The following SKAP2 variants were observed in gnomAD, a reference collection of about 807,000 sequenced individuals.
The protein encoded by SKAP2 is src kinase associated phosphoprotein 2, also known as src kinase-associated phosphoprotein 2.
In SKAP2, 28 loss-of-function variants were observed where a neutral mutation model predicts 54.9. The observed-to-expected ratio is 0.51, with a 90% CI of 0.38 to 0.70. The LOEUF is 0.70. SKAP2 is among the 30% of genes least tolerant of loss of function. SKAP2 has a pLI of 0.00. For missense variants in SKAP2, 356 were observed against 424.1 expected, an observed-to-expected ratio of 0.84 and a Z score of 1.41; for synonymous variants, 137 against 134.3, an observed-to-expected ratio of 1.02 and a Z score of -0.14.
intron 9 of SKAP2, among the ~76,000 whole-genome samples, chr7:26,717,664 A>G (rs1787482342): frequency 7.0e-6 from 1 of 143,556 alleles, no homozygotes; most frequent in Non-Finnish European, 1.5e-5. Flanking sequence ...TGTCTCTACT[A>G]AAAAAAAAAA....
intron 9 of SKAP2, among the ~76,000 whole-genome samples, chr7:26,707,445 C>T (rs2299102): frequency 0.57 from 85,851 of 151,722 alleles, 24,756 homozygotes; most frequent in East Asian, 0.88. Flanking sequence ...TAGCACAGAA[C>T]CTTGCCTATA....
At chr7:26,802,697 A>G (rs1010040257) in intron 4 of SKAP2, among the ~76,000 whole-genome samples, 80 of 152,030 alleles carry the variant, frequency 5.3e-4, no homozygotes, top group Non-Finnish European at 3.2e-4. Flanking sequence ...CCTGGCCAAC[A>G]TGGTGAAACC....
chr7:26,818,560 A>C (rs1784319310), intron 4 of SKAP2, among the ~76,000 whole-genome samples: 1 of 152,242 alleles, frequency 6.6e-6, no homozygotes, highest in African/African-American at 2.4e-5. Flanking sequence ...CAATGGCAAC[A>C]AAAGCCAAAA....
intron 4 of SKAP2, among the ~76,000 whole-genome samples, chr7:26,741,739 T>C (rs1782460684): frequency 6.6e-6 from 1 of 151,798 alleles, no homozygotes; most frequent in Admixed American, 6.6e-5. Flanking sequence ...GCCTATTGTG[T>C]ACCCACAAAA....
At chr7:26,853,562 A>C (rs1402051088) in intron 3 of SKAP2, among the ~76,000 whole-genome samples, 1 of 152,198 alleles carries the variant, frequency 6.6e-6, no homozygotes, top group African/African-American at 2.4e-5. Flanking sequence ...AAAAAATGAA[A>C]CTGAATTCCC....
intron 8 of SKAP2, 61 bp from the exon 9 acceptor site, chr7:26,725,626 T>C: frequency 1.4e-6 from 2 of 1,408,602 alleles, no homozygotes; most frequent in Non-Finnish European, 1.9e-6. Context: ...TTTAAAACTA[T>C]ACTTTATAAA....
At chr7:26,848,440 T>C (rs1411435541) in intron 3 of SKAP2, among the ~76,000 whole-genome samples, 2 of 152,182 alleles carry the variant, frequency 1.3e-5, no homozygotes, top group African/African-American at 4.8e-5. Context: ...GTACGCAAAC[T>C]TTAGTTCATG....
At chr7:26,718,822 C>T (rs1007943690) in intron 9 of SKAP2, among the ~76,000 whole-genome samples, 1 of 151,660 alleles carries the variant, frequency 6.6e-6, no homozygotes, top group Non-Finnish European at 1.5e-5. Context: ...TTATTTTATG[C>T]ACATCAGGAA....
chr7:26,768,864 C>T (rs943779524), intron 4 of SKAP2, among the ~76,000 whole-genome samples: 1 of 152,148 alleles, frequency 6.6e-6, no homozygotes, highest in Non-Finnish European at 1.5e-5. Context: ...GGTAACCCAA[C>T]CTTTCTCTCT....
intron 4 of SKAP2, among the ~76,000 whole-genome samples, chr7:26,797,274 AG>A (rs751296367): frequency 1.1e-4 from 16 of 152,250 alleles, no homozygotes; most frequent in Non-Finnish European, 1.8e-4. Flanking sequence ...TGCTGGCTTC[AG>A]GTCTTACCCC....
At chr7:26,838,975 C>T (rs145739688) in intron 4 of SKAP2, among the ~76,000 whole-genome samples, 208 of 152,240 alleles carry the variant, frequency 1.4e-3, no homozygotes, top group African/African-American at 4.8e-3. Flanking sequence ...TTCTCCTCTT[C>T]ATGTACTGTG....
chr7:26,841,275 A>C (rs1784811620), intron 4 of SKAP2, among the ~76,000 whole-genome samples: 1 of 151,906 alleles, frequency 6.6e-6, no homozygotes, highest in Non-Finnish European at 1.5e-5. Flanking sequence ...GCTCACAATA[A>C]CCTACAAGTG....
chr7:26,845,601 A>C (rs1321256621), intron 3 of SKAP2, among the ~76,000 whole-genome samples: 2 of 152,150 alleles, frequency 1.3e-5, no homozygotes, highest in African/African-American at 2.4e-5. Flanking sequence ...CCTTTTCAGA[A>C]CACTCAATGA....
intron 4 of SKAP2, among the ~76,000 whole-genome samples, chr7:26,818,067 C>T (rs1237953138): frequency 6.6e-6 from 1 of 152,150 alleles, no homozygotes; most frequent in African/African-American, 2.4e-5. Flanking sequence ...TGACTTTCTT[C>T]ACAGAATTAG....
chr7:26,823,810 C>A (rs1402526178), intron 4 of SKAP2, among the ~76,000 whole-genome samples: 1 of 152,160 alleles, frequency 6.6e-6, no homozygotes, highest in Non-Finnish European at 1.5e-5. Context: ...GTGGACCCTG[C>A]AGATATGACT....
At chr7:26,740,095 G>T in intron 4 of SKAP2, 131 bp from the exon 5 acceptor site, 32 of 423,788 alleles carry the variant, frequency 7.6e-5, no homozygotes, top group Middle Eastern at 5.8e-4. Context: ...TATTAGCTTT[G>T]TTTCAGATCC....
chr7:26,727,611 A>G (rs905985116), intron 6 of SKAP2, among the ~76,000 whole-genome samples: 5 of 152,210 alleles, frequency 3.3e-5, no homozygotes, highest in African/African-American at 1.2e-4. Flanking sequence ...CAGAAGCATT[A>G]GTTACCAAAA....
intron 9 of SKAP2, among the ~76,000 whole-genome samples, chr7:26,699,498 T>C (rs535144846): frequency 6.6e-6 from 1 of 152,284 alleles, no homozygotes; most frequent in South Asian, 2.1e-4. Flanking sequence ...TTTAAATTCA[T>C]TAATAAATCA....
intron 6 of SKAP2, among the ~76,000 whole-genome samples, chr7:26,735,666 G>A (rs1291013290): frequency 6.6e-6 from 1 of 152,036 alleles, no homozygotes; most frequent in Admixed American, 6.6e-5. Context: ...CTTAGTTGGA[G>A]GATTATAGTT....
Sources: gnomAD v4.1 joint callset for allele counts (sites outside exome capture counted in the v4.1 genomes callset) on GRCh38, gnomAD v4.1.1 for gene constraint, MANE v1.5 for transcripts, NCBI Gene and HGNC (gene_info 2026-07-23, HGNC 2026-07-21) for gene names.